QARS1: variants seen among roughly 807,000 people sequenced by gnomAD.
QARS1 encodes the protein glutamine--tRNA ligase.
A neutral mutation model predicts 106.9 loss-of-function variants in QARS1; 79 were observed. The observed-to-expected ratio is 0.74, with a 90% CI of 0.62 to 0.89. The LOEUF (loss-of-function observed/expected upper bound fraction) is 0.89. Ranked by LOEUF, QARS1 falls within the 40% of genes least tolerant of loss-of-function variation. The pLI, the probability that QARS1 is intolerant of heterozygous loss-of-function variation, is 0.00. For missense variants in QARS1, 966 were observed against 997.2 expected (o/e 0.97, Z 0.42); for synonymous variants, 395 against 367.7 (o/e 1.07, Z -0.85).
At chr3:49,104,094 C>T (rs765349006) in intron 2 of QARS1, 122 bp from the exon 3 acceptor site, 2 of 1,132,104 alleles carry the variant, frequency 1.8e-6, no homozygotes, top group Non-Finnish European at 2.6e-6. Flanking sequence ...CCTGGCACCA[C>T]CACCCTAGAG....
Position 49,095,949 on chromosome 3 carries a change from G to A in QARS1, c.*80C>T. On this transcript the variant is annotated 3_prime_UTR_variant, in exon 24 of 24. Transcript: ENST00000306125. The stretch of plus-strand genomic sequence containing the variant: ...ACACAGACTCTAGGAGAATTTAGCT[G>A]TTCTTTATTGACATGGAATTTGGGG... The A allele has an allele frequency of 1.5e-6, 2 of 1,356,804 alleles. No homozygotes were observed. Among genetic ancestry groups the A allele is most frequent in the African/African-American group, 2.9e-5 (2 of 70,140 alleles). 84.0% of individuals were successfully genotyped at this position (1,356,804 alleles called of 1,614,324 possible). A position where few individuals can be genotyped will look rare whatever the true frequency, so the allele number is the denominator to read the frequency against.
intron 4 of QARS1, 106 bp downstream of exon 4, chr3:49,103,525 C>A (rs1257966087): frequency 6.4e-7 from 1 of 1,554,996 alleles, no homozygotes; most frequent in Non-Finnish European, 8.8e-7. Flanking sequence ...CCAGCCAGAC[C>A]ACTTTAAGTC....
Position 49,100,056 on chromosome 3 carries a change from G to C in QARS1, c.1200C>G (p.Ala400=), listed in dbSNP as rs374202707. The change falls in exon 14 of 24, where the codon GCC becomes GCG. Residue 400 remains alanine (A), a synonymous_variant. Coordinates refer to ENST00000306125, the MANE Select transcript of QARS1 (RefSeq NM_005051.3). ...CCATCACCAGCTTCATCCGTAGTGT[G>C]GCCTCGCCCTCTGAAAACTTGCCCT... ...MRKGKFSEGE[A]TLRMKLVMED... is the part of the protein sequence containing the mutation. 334 of 1,614,070 alleles carry C rather than the reference G, an allele frequency of 2.1e-4. No individual in the cohort carries two copies. The highest frequency in any genetic ancestry group is 2.6e-4 in the Non-Finnish European group (308 of 1,180,046).
At position 49,098,137 on chromosome 3, in the gene QARS1, G is replaced by GCAACCATC; in HGVS notation, c.2152-28_2152-21dup. 6.2e-7 allele frequency: 1 copy of GCAACCATC among 1,614,144 alleles called. No individual in the cohort carries two copies. Among genetic ancestry groups the GCAACCATC allele is most frequent in the Non-Finnish European group, 8.5e-7 (1 of 1,180,026 alleles). ...TGATGCCTGCAGGCAGGGAACTCAG[G>GCAACCATC]CAACCATCCAACCAGGGAGGCCTAC... is the stretch of plus-strand genomic sequence containing the variant. On this transcript the variant is annotated intron_variant, in intron 22 of 23. Coordinates refer to ENST00000306125, the MANE Select transcript of QARS1 (RefSeq NM_005051.3).
In QARS1 at chr3:49,099,956, C is replaced by G; in HGVS notation, c.1295+5G>C. The stretch of plus-strand genomic sequence containing the variant: ...CCCCACCACCCCACCCCATTCTACA[C>G]CCACCATTTGTCCCCTGTGCGGTGG... On this transcript the variant is annotated splice_donor_5th_base_variant and intron_variant, in intron 14 of 23. Coordinates refer to ENST00000306125, the MANE Select transcript of QARS1 (RefSeq NM_005051.3). 6.2e-7 allele frequency: 1 copy of G among 1,614,198 alleles called. No homozygotes were observed. The highest frequency in any genetic ancestry group is 8.5e-7 in the Non-Finnish European group (1 of 1,180,026).
In QARS1 at chr3:49,101,429, A is replaced by G. The variant is rs2042469324; in HGVS notation, c.802T>C (p.Phe268Leu). The change falls in exon 10 of 24, where the codon TTC becomes CTC. Residue 268 changes from phenylalanine to leucine, a missense_variant. Coordinates refer to ENST00000306125, the MANE Select transcript of QARS1 (RefSeq NM_005051.3). ...EITGGQVRTR[F>L]PPEPNGILHI... is the part of the protein sequence containing the mutation. ...AGGATTCCATTGGGTTCTGGCGGGA[A>G]CCGGGTACGTACCTAAAATAAGGGG... 6.2e-7 allele frequency: 1 copy of G among 1,612,418 alleles called. No homozygotes were observed. The highest frequency in any genetic ancestry group is 1.1e-5 in the South Asian group (1 of 91,040).
Position 49,101,857 on chromosome 3 carries a change from C to CG in QARS1, c.673dup (p.Arg225ProfsTer6). On this transcript the variant is annotated frameshift_variant, in exon 8 of 24. Transcript: ENST00000306125. LOFTEE classifies it high-confidence loss of function. Reference sequence around the variant, plus strand: ...CTTGTGGAACTTAAGGGCCTCCCCCCGGAGCTGCTCCATCAGAGACAGGGT... The same window carrying CG: ...CTTGTGGAACTTAAGGGCCTCCCCCCGGGAGCTGCTCCATCAGAGACAGGGT... 6.2e-7 allele frequency: 1 copy of CG among 1,612,418 alleles called. No homozygotes were observed.
chr3:49,099,900 C>T (rs1209191161), intron 14 of QARS1, 47 bp from the exon 15 acceptor site: 2 of 1,614,048 alleles, frequency 1.2e-6, no homozygotes, highest in Non-Finnish European at 1.7e-6. Context: ...CTACTCTGCC[C>T]TACCCCATGG....
rs531737934 is a variant in QARS1, at chr3:49,101,856, C to T, written c.675G>A (p.Arg225=). The T allele has an allele frequency of 6.2e-7, 1 of 1,612,534 alleles. No homozygotes were observed. The highest frequency in any genetic ancestry group is 1.1e-5 in the South Asian group (1 of 90,856). ...DQTLSLMEQL[R]GEALKFHKPG... is the part of the protein sequence containing the mutation. ...GCTTGTGGAACTTAAGGGCCTCCCC[C>T]CGGAGCTGCTCCATCAGAGACAGGG... Residue 225 remains arginine, a synonymous_variant, in exon 8 of 24, where the codon CGG becomes CGA. Coordinates refer to ENST00000306125, the MANE Select transcript of QARS1 (RefSeq NM_005051.3).
chr3:49,104,579 T>G (rs753341873), intron 1 of QARS1, 38 bp downstream of exon 1: 2 of 1,597,726 alleles, frequency 1.3e-6, no homozygotes, highest in African/African-American at 1.3e-5. Flanking sequence ...CGTTGCAGCA[T>G]GGTCTGCAAA....
In QARS1 at chr3:49,100,299, C is replaced by T; in HGVS notation, c.1056-1G>A. 6.2e-7 allele frequency: 1 copy of T among 1,614,266 alleles called. No homozygotes were observed. Among genetic ancestry groups the T allele is most frequent in the Non-Finnish European group, 8.5e-7 (1 of 1,180,042 alleles). ...CTGGTGGCACACATAAGCCAGACCCCTGTGGGGAAGCGGTGTGAGTGCCCA... is the reference window on the plus strand; with the variant it reads ...CTGGTGGCACACATAAGCCAGACCCTTGTGGGGAAGCGGTGTGAGTGCCCA... On this transcript the variant is annotated splice_acceptor_variant, in intron 12 of 23. Transcript: ENST00000306125. LOFTEE classifies it high-confidence loss of function.
At chr3:49,104,151 G>C (rs1418707649) in intron 2 of QARS1, 173 bp downstream of exon 2, 31 of 1,167,712 alleles carry the variant, frequency 2.7e-5, no homozygotes, top group Non-Finnish European at 4.0e-5. Context: ...TCCCCCCTCA[G>C]ACCCTGACAG....
intron 23 of QARS1, among the ~76,000 whole-genome samples, chr3:49,096,572 G>A (rs1464014135): frequency 6.6e-6 from 1 of 152,080 alleles, no homozygotes; most frequent in African/African-American, 2.4e-5. Context: ...GGCCGAGGCA[G>A]GCGGATCATG....
rs752777280 is a variant in QARS1, at chr3:49,098,106, G to A, written c.2163C>T (p.His721=). 1.5e-5 allele frequency: 25 copies of A among 1,614,050 alleles called. No individual in the cohort carries two copies. The highest frequency in any genetic ancestry group is 5.3e-5 in the African/African-American group (4 of 74,908). ...FLSDLNLASL[H]VVDAALVDCS... ...AGTCCACTAATGCTGCATCCACCACGTGTAGTGATGCCTGCAGGCAGGGAA... is the reference window on the plus strand; with the variant it reads ...AGTCCACTAATGCTGCATCCACCACATGTAGTGATGCCTGCAGGCAGGGAA... Residue 721 remains histidine, a synonymous_variant, in exon 23 of 24, where the codon CAC becomes CAT. Coordinates refer to ENST00000306125, the MANE Select transcript of QARS1 (RefSeq NM_005051.3).
intron 10 of QARS1, 54 bp downstream of exon 10, chr3:49,101,301 C>A (rs1575401950): frequency 7.3e-7 from 1 of 1,375,036 alleles, no homozygotes; most frequent in South Asian, 1.2e-5. Context: ...GGTATCCACT[C>A]ATGGGAACAG....
chr3:49,099,523 T>C lies in QARS1; in HGVS notation c.1513A>G (p.Thr505Ala), dbSNP rs1240158027. The change falls in exon 16 of 24, where the codon ACT becomes GCT. Residue 505 changes from threonine to alanine, a missense_variant. Coordinates refer to ENST00000306125, the MANE Select transcript of QARS1 (RefSeq NM_005051.3). ...SKRKILQLVATGAVRDWDDPR... is the reference protein window; with the variant it reads ...SKRKILQLVAAGAVRDWDDPR... ...AGCCGCACCTACCGCACAGCACCAGTTGCTACAAGCTGGAGGATCTTCCTC... is the reference window on the plus strand; with the variant it reads ...AGCCGCACCTACCGCACAGCACCAGCTGCTACAAGCTGGAGGATCTTCCTC... 2 of 1,614,040 alleles carry C rather than the reference T, an allele frequency of 1.2e-6. No homozygotes were observed. The highest frequency in any genetic ancestry group is 1.7e-6 in the Non-Finnish European group (2 of 1,180,024).
At chr3:49,096,160 C>T (rs946870295) in intron 23 of QARS1, 81 bp from the exon 24 acceptor site, 37 of 1,429,794 alleles carry the variant, frequency 2.6e-5, no homozygotes, top group African/African-American at 4.2e-5. Context: ...ACAGACACCT[C>T]CCCCTAACAT....
chr3:49,100,631 G>C lies in QARS1; in HGVS notation c.920C>G (p.Pro307Arg), dbSNP rs1306938303. 1.9e-6 allele frequency: 3 copies of C among 1,611,624 alleles called. No homozygotes were observed. In the African/African-American group the frequency reaches 4.0e-5, roughly 22 times the overall value. Residue 307 changes from proline (P) to arginine (R), a missense_variant, in exon 11 of 24, where the codon CCT becomes CGT. By Grantham distance (103) the Pro-to-Arg change is moderately radical. Transcript: ENST00000306125. ...GAAGAACTTTGCTTCCTCCTTCTCA[G>C]GGTTGGTGTCATCAAAACGCAGAAA... ...ICFLRFDDTNPEKEEAKFFTA... is the reference protein window; with the variant it reads ...ICFLRFDDTNREKEEAKFFTA...
rs182505102 is a variant in QARS1, at chr3:49,102,369, C to A, written c.570+50G>T. Reference sequence around the variant, plus strand: ...CACTTCCTTCCCCAGCCTGAAGTCTCACCATACCTCACCTCACCCTCAGGG... The same window carrying A: ...CACTTCCTTCCCCAGCCTGAAGTCTAACCATACCTCACCTCACCCTCAGGG... On this transcript the variant is annotated intron_variant, in intron 6 of 23. Transcript: ENST00000306125. 106 of 1,612,536 alleles carry A rather than the reference C, an allele frequency of 6.6e-5. 1 individual carries two copies. The African/African-American group carries it at 1.3e-3, about 20-fold the overall frequency.
Sources: allele counts gnomAD v4.1 joint callset (sites outside exome capture counted in the v4.1 genomes callset), GRCh38; gene constraint gnomAD v4.1.1; transcripts MANE v1.5; gene names NCBI Gene and HGNC (gene_info 2026-07-23, HGNC 2026-07-21).